NMUR2: variants seen among roughly 807,000 people sequenced by gnomAD.
The protein encoded by NMUR2 is neuromedin-U receptor 2.
A neutral mutation model predicts 25.1 loss-of-function variants in NMUR2; 24 were observed. That is an observed-to-expected ratio of 0.96 (90% CI 0.69 to 1.34). NMUR2 has a LOEUF of 1.34. NMUR2 is among the 40% of genes most tolerant of loss of function. NMUR2 has a pLI of 0.00. For missense variants in NMUR2, 533 were observed against 512.8 expected, an observed-to-expected ratio of 1.04 and a Z score of -0.38; for synonymous variants, 218 against 208.1, an observed-to-expected ratio of 1.05 and a Z score of -0.41.
intron 1 of NMUR2, among the ~76,000 whole-genome samples, chr5:152,400,268 T>C (rs1753231011): frequency 1.3e-5 from 2 of 152,120 alleles, no homozygotes; most frequent in African/African-American, 2.4e-5. Context: ...CTCTGTGAGA[T>C]TAGGACTAGA....
chr5:152,397,843 A>C (rs1294792658), intron 2 of NMUR2, among the ~76,000 whole-genome samples: 1 of 152,146 alleles, frequency 6.6e-6, no homozygotes, highest in East Asian at 1.9e-4. Context: ...AGCTTGAAGA[A>C]GCAAAGGAAG....
In NMUR2 at chr5:152,404,766, G is replaced by A. The variant is rs1174456120; in HGVS notation, c.348C>T (p.Pro116=). 3.7e-6 allele frequency: 6 copies of A among 1,613,994 alleles called. No individual in the cohort carries two copies. In the South Asian group the frequency reaches 4.4e-5, roughly 12 times the overall value. ...GGGCCGTCTTGAAGTAGCAGCCCACGGGCCCGAACAAGAAAGGGTAGTTGC... is the reference window on the plus strand; with the variant it reads ...GGGCCGTCTTGAAGTAGCAGCCCACAGGCCCGAACAAGAAAGGGTAGTTGC... The part of the protein sequence containing the change: ...MWRNYPFLFG[P]VGCYFKTALF... Residue 116 remains proline (P), a synonymous_variant, in exon 1 of 4, where the codon CCC becomes CCT. Coordinates refer to ENST00000255262, the MANE Select transcript of NMUR2 (RefSeq NM_020167.5).
Position 152,404,495 on chromosome 5 carries a change from T to C in NMUR2, c.619A>G (p.Ile207Val). Residue 207 changes from isoleucine (I) to valine (V), a missense_variant, in exon 1 of 4, where the codon ATC becomes GTC. Transcript: ENST00000255262. ...AAATTGTAGATCCACATGGGCTTGA[T>C]GACCGTACAGGTGGCCGAACCTGGG... ...LVPGSATCTV[I>V]KPMWIYNFII... 6.2e-7 allele frequency: 1 copy of C among 1,614,124 alleles called. No homozygotes were observed. Among genetic ancestry groups the C allele is most frequent in the Non-Finnish European group, 8.5e-7 (1 of 1,180,022 alleles).
At position 152,404,791 on chromosome 5, in the gene NMUR2, C is replaced by T. The variant is rs368505984; in HGVS notation, c.323G>A (p.Arg108His). 1.6e-5 allele frequency: 26 copies of T among 1,614,034 alleles called. No homozygotes were observed. The highest frequency in any genetic ancestry group is 8.0e-5 in the African/African-American group (6 of 74,980). ...GMPLEVYEMWRNYPFLFGPVG... is the reference protein window; with the variant it reads ...GMPLEVYEMWHNYPFLFGPVG... ...GGGCCCGAACAAGAAAGGGTAGTTG[C>T]GCCACATCTCATAGACCTCCAGGGG... The change falls in exon 1 of 4, where the codon CGC becomes CAC. Residue 108 changes from arginine (R) to histidine (H), a missense_variant. Arg to His is a conservative substitution (Grantham distance 29). Coordinates refer to ENST00000255262, the MANE Select transcript of NMUR2 (RefSeq NM_020167.5).
chr5:152,399,792 A>G (rs1001966684), intron 1 of NMUR2, among the ~76,000 whole-genome samples: 3 of 152,138 alleles, frequency 2.0e-5, no homozygotes, highest in African/African-American at 7.2e-5. Flanking sequence ...TGGCAGTGTA[A>G]AAAGTCCAGG....
At chr5:152,393,168 G>A (rs1403275003) in intron 3 of NMUR2, among the ~76,000 whole-genome samples, 1 of 152,080 alleles carries the variant, frequency 6.6e-6, no homozygotes, top group African/African-American at 2.4e-5. Context: ...CCAAGTTTGG[G>A]AATCAGAGGA....
intron 1 of NMUR2, among the ~76,000 whole-genome samples, chr5:152,398,704 C>G (rs1044449791): frequency 6.6e-6 from 1 of 152,146 alleles, no homozygotes; most frequent in Non-Finnish European, 1.5e-5. Context: ...ACTCACATCA[C>G]CTACTCATAT....
intron 3 of NMUR2, among the ~76,000 whole-genome samples, chr5:152,392,954 T>C (rs1481808147): frequency 6.6e-6 from 1 of 152,220 alleles, no homozygotes; most frequent in Non-Finnish European, 1.5e-5. Flanking sequence ...CTTATAATGC[T>C]AAGATACGGC....
rs577107694 is a variant in NMUR2, at chr5:152,392,287, A to G, written c.1152T>C (p.Cys384=). Residue 384 remains cysteine (C), a synonymous_variant, in exon 4 of 4, where the codon TGT becomes TGC. Coordinates refer to ENST00000255262, the MANE Select transcript of NMUR2 (RefSeq NM_020167.5). ...LTEDIGPQFP[C]QSSMHNSHLP... ...GGTGAGAGTTGTGCATGGATGACTGACATGGGAATTGGGGACCTATATCTT... is the reference window on the plus strand; with the variant it reads ...GGTGAGAGTTGTGCATGGATGACTGGCATGGGAATTGGGGACCTATATCTT... 1.5e-5 allele frequency: 25 copies of G among 1,613,926 alleles called. No homozygotes were observed. In the South Asian group the frequency reaches 2.3e-4, roughly 15 times the overall value.
chr5:152,404,742 G>C lies in NMUR2; in HGVS notation c.372C>G (p.Ala124=). 6.2e-7 allele frequency: 1 copy of C among 1,614,160 alleles called. No individual in the cohort carries two copies. The highest frequency in any genetic ancestry group is 8.5e-7 in the Non-Finnish European group (1 of 1,180,042). ...AGGCGAAGCACACGGTCTCAAAGAG[G>C]GCCGTCTTGAAGTAGCAGCCCACGG... ...FGPVGCYFKT[A]LFETVCFASI... The change falls in exon 1 of 4, where the codon GCC becomes GCG. Residue 124 remains alanine (A), a synonymous_variant. Coordinates refer to ENST00000255262, the MANE Select transcript of NMUR2 (RefSeq NM_020167.5).
rs776110616 is a variant in NMUR2, at chr5:152,404,746, G to A, written c.368C>T (p.Thr123Met). 1.7e-4 allele frequency: 277 copies of A among 1,614,042 alleles called. No individual in the cohort carries two copies. Among genetic ancestry groups the A allele is most frequent in the Non-Finnish European group, 2.3e-4 (270 of 1,180,046 alleles). ...LFGPVGCYFK[T>M]ALFETVCFAS... ...GAAGCACACGGTCTCAAAGAGGGCC[G>A]TCTTGAAGTAGCAGCCCACGGGCCC... Residue 123 changes from threonine (T) to methionine (M), a missense_variant, in exon 1 of 4, where the codon ACG (threonine) becomes ATG (methionine). Thr to Met is a moderately conservative substitution (Grantham distance 81). Transcript: ENST00000255262.
chr5:152,399,471 G>A (rs1310782493), intron 1 of NMUR2, among the ~76,000 whole-genome samples: 2 of 152,066 alleles, frequency 1.3e-5, no homozygotes, highest in African/African-American at 4.8e-5. Context: ...TTCTGAAGAT[G>A]CAAGTTTTCA....
rs562369679 is a variant in NMUR2 at position 152,392,307 on chromosome 5, T to C, written c.1132A>G (p.Ile378Val). 5 of 1,613,984 alleles carry C rather than the reference T, an allele frequency of 3.1e-6. No individual in the cohort carries two copies. Among genetic ancestry groups the C allele is most frequent in the Admixed American group, 3.3e-5 (2 of 59,972 alleles). Residue 378 changes from isoleucine (I) to valine (V), a missense_variant, in exon 4 of 4, where the codon ATA (isoleucine) becomes GTA (valine). Transcript: ENST00000255262. ...GACTGACATGGGAATTGGGGACCTA[T>C]ATCTTCGGTCAGCTCCACAAAGTGG... ...ECHFVELTED[I>V]GPQFPCQSSM...
At position 152,392,480 on chromosome 5, in the gene NMUR2, G is replaced by A; in HGVS notation, c.959C>T (p.Ser320Leu). The A allele has an allele frequency of 6.2e-7, 1 of 1,613,136 alleles. No individual in the cohort carries two copies. Among genetic ancestry groups the A allele is most frequent in the Admixed American group, 1.7e-5 (1 of 59,976 alleles). Reference sequence around the variant, plus strand: ...GTTATAGATAATGGGGTTGACAGCTGAGCTCAGGTAGAAGAAGACACCTGG... The same window carrying A: ...GTTATAGATAATGGGGTTGACAGCTAAGCTCAGGTAGAAGAAGACACCTGG... ...VVSGVFFYLSSAVNPIIYNLL... is the reference protein window; with the variant it reads ...VVSGVFFYLSLAVNPIIYNLL... The change falls in exon 4 of 4, where the codon TCA becomes TTA. Residue 320 changes from serine to leucine, a missense_variant. By Grantham distance (145) the Ser-to-Leu change is moderately radical (BLOSUM62 -2). Transcript: ENST00000255262.
chr5:152,398,694 A>G (rs1421325708), intron 1 of NMUR2, among the ~76,000 whole-genome samples: 1 of 152,058 alleles, frequency 6.6e-6, no homozygotes, highest in African/African-American at 2.4e-5. Context: ...TACCTTCCAC[A>G]CTCACATCAC....
rs565585062 is a variant in NMUR2, at chr5:152,404,955, C to A, written c.159G>T (p.Val53=). ...HFFLPVSVVY[V]PIFVVGVIGN... ...CAATGACCCCCACCACAAAAATTGG[C>A]ACATACACCACAGACACGGGGAGGA... The change falls in exon 1 of 4, where the codon GTG becomes GTT. Residue 53 remains valine (V), a synonymous_variant. Coordinates refer to ENST00000255262, the MANE Select transcript of NMUR2 (RefSeq NM_020167.5). 24 of 1,613,972 alleles carry A rather than the reference C, an allele frequency of 1.5e-5. No individual in the cohort carries two copies. In the South Asian group the frequency reaches 2.6e-4, roughly 18 times the overall value.
intron 1 of NMUR2, among the ~76,000 whole-genome samples, chr5:152,398,558 C>A (rs1407933016): frequency 6.6e-6 from 1 of 152,076 alleles, no homozygotes; most frequent in African/African-American, 2.4e-5. Context: ...TAGTAGAAAA[C>A]CAAAACAGGA....
chr5:152,395,652 C>A, intron 2 of NMUR2, 68 bp from the exon 3 acceptor site: 1 of 1,541,434 alleles, frequency 6.5e-7, no homozygotes, highest in Non-Finnish European at 8.8e-7. Flanking sequence ...AATGCTCACT[C>A]TGAGTCAATC....
At position 152,392,433 on chromosome 5, in the gene NMUR2, C is replaced by G; in HGVS notation, c.1006G>C (p.Ala336Pro). The change falls in exon 4 of 4, where the codon GCA (alanine) becomes CCA (proline). Residue 336 changes from alanine to proline, a missense_variant. By Grantham distance (27) the Ala-to-Pro change is conservative. Coordinates refer to ENST00000255262, the MANE Select transcript of NMUR2 (RefSeq NM_020167.5). The stretch of plus-strand genomic sequence containing the variant: ...GAAGAGATCACATTCTGGAATGCTG[C>G]CTGGAAGCGGCGAGACAGTAGGTTA... ...IYNLLSRRFQAAFQNVISSFH... is the reference protein window; with the variant it reads ...IYNLLSRRFQPAFQNVISSFH... 1 of 1,613,968 alleles carries G rather than the reference C, an allele frequency of 6.2e-7. No individual in the cohort carries two copies. The highest frequency in any genetic ancestry group is 1.1e-5 in the South Asian group (1 of 91,076).
Sources: gnomAD v4.1 joint callset for allele counts (sites outside exome capture counted in the v4.1 genomes callset) on GRCh38, gnomAD v4.1.1 for gene constraint, MANE v1.5 for transcripts, NCBI Gene and HGNC (gene_info 2026-07-23, HGNC 2026-07-21) for gene names.